Variants in CSMD2 observed in about 807,000 individuals in gnomAD.
CSMD2 encodes the protein CUB and Sushi multiple domains 2, also known as CUB and sushi domain-containing protein 2.
CSMD2 carries 130 observed loss-of-function variants against 398.5 expected under a neutral mutation model. The observed-to-expected ratio is 0.33, with a 90% CI of 0.28 to 0.38. The LOEUF is 0.38. Among genes scored for constraint, CSMD2 ranks in the 10% least tolerant of loss-of-function variants. CSMD2 has a pLI of 1.00. For synonymous variants in CSMD2, 1,828 were observed against 1,908.5 expected (o/e 0.96, Z 1.10); for missense variants, 3,829 against 4,764.9 (o/e 0.80, Z 5.78).
In CSMD2 at chr1:33,577,683, G is replaced by GA. The variant is rs1553145982; in HGVS notation, c.7388-200dup. On this transcript the variant is annotated intron_variant, in intron 48 of 70. Transcript: ENST00000373381. ...TTGGTAAAGCCGAAACAAAACAACG[G>GA]AAACAAAACAAAACAAAACAAAAAA... 3.3e-3 allele frequency among the ~76,000 whole-genome samples: 504 copies of GA among 151,820 alleles called. 7 individuals are homozygous for GA. Among genetic ancestry groups the GA allele is most frequent in the African/African-American group, 0.012 (481 of 41,302 alleles).
At chr1:33,871,836 C>T (rs534066565) in intron 5 of CSMD2, among the ~76,000 whole-genome samples, 6 of 152,082 alleles carry the variant, frequency 3.9e-5, no homozygotes, top group Admixed American at 1.3e-4. Flanking sequence ...AGGCTGGGCT[C>T]GAACTCCTGA....
At chr1:33,747,460 G>A (rs1647541742) in intron 13 of CSMD2, among the ~76,000 whole-genome samples, 1 of 152,136 alleles carries the variant, frequency 6.6e-6, no homozygotes. Flanking sequence ...GTTGGAGCAT[G>A]CTTTTAAAGA....
At chr1:33,645,703 A>T (rs2148946588) in intron 29 of CSMD2, among the ~76,000 whole-genome samples, 1 of 152,348 alleles carries the variant, frequency 6.6e-6, no homozygotes, top group East Asian at 1.9e-4. Flanking sequence ...AAGGACTTTC[A>T]TGTGTGGACT....
Position 33,537,445 on chromosome 1 carries a change from T to C in CSMD2, c.9796A>G (p.Ser3266Gly), listed in dbSNP as rs772828640. Reference sequence around the variant, plus strand: ...CCAGATGACCTCTCACCTATGCAGCTGGGCTGGGTGCCACTCCATGTCCCA... The same window carrying C: ...CCAGATGACCTCTCACCTATGCAGCCGGGCTGGGTGCCACTCCATGTCCCA... ...SDGTWSGTQP[S>G]CIDPTLTTCA... The change falls in exon 61 of 71, where the codon AGC becomes GGC. Residue 3266 changes from serine (S) to glycine (G), a missense_variant. By Grantham distance (56) the Ser-to-Gly change is moderately conservative (BLOSUM62 0). Coordinates refer to ENST00000373381, the MANE Select transcript of CSMD2 (RefSeq NM_001281956.2). This position sits in a 1 kb window ranked among gnomAD's most constrained non-coding sequence, Gnocchi z 4.6. 9.9e-6 allele frequency: 16 copies of C among 1,612,488 alleles called. No individual in the cohort carries two copies. Among genetic ancestry groups the C allele is most frequent in the Non-Finnish European group, 1.4e-5 (16 of 1,179,184 alleles).
Position 33,700,690 on chromosome 1 carries a change from C to A in CSMD2, c.3577-17G>T, listed in dbSNP as rs1478522552. On this transcript the variant is annotated splice_polypyrimidine_tract_variant and intron_variant, in intron 22 of 70. Transcript: ENST00000373381. Reference sequence around the variant, plus strand: ...ATCATAAACCTGGACACAGGAGAGACCCCCAACCCAATGTCGTCAGCATGG... The same window carrying A: ...ATCATAAACCTGGACACAGGAGAGAACCCCAACCCAATGTCGTCAGCATGG... 3 of 1,613,694 alleles carry A rather than the reference C, an allele frequency of 1.9e-6. No individual in the cohort carries two copies. Among genetic ancestry groups the A allele is most frequent in the African/African-American group, 2.7e-5 (2 of 74,916 alleles).
chr1:33,857,340 TTA>T (rs1383921270), intron 5 of CSMD2, among the ~76,000 whole-genome samples: 4 of 152,186 alleles, frequency 2.6e-5, no homozygotes, highest in Non-Finnish European at 5.9e-5. Context: ...GATTAATGCC[TTA>T]TACTTTGGCT....
At chr1:34,082,388 G>T (rs564435067) in intron 2 of CSMD2, among the ~76,000 whole-genome samples, 9 of 151,000 alleles carry the variant, frequency 6.0e-5, no homozygotes, top group Non-Finnish European at 1.0e-4. Context: ...GGGCGACCCC[G>T]CCCAGCAGCC....
chr1:33,727,462 C>T (rs1029828075), intron 15 of CSMD2, among the ~76,000 whole-genome samples: 1 of 152,224 alleles, frequency 6.6e-6, no homozygotes, highest in Non-Finnish European at 1.5e-5. Flanking sequence ...CTAAGGTAGT[C>T]ATTAGAGCTA....
chr1:34,122,303 C>T (rs989758621), intron 1 of CSMD2, among the ~76,000 whole-genome samples: 2 of 152,188 alleles, frequency 1.3e-5, no homozygotes, highest in East Asian at 3.9e-4. Flanking sequence ...GAAGGGAGAC[C>T]CACAGCTGAG....
rs141428702 is a variant in CSMD2, at chr1:33,772,243, C to T, written c.1846+326G>A. ...TAGATGGTGTCAGGGGTGGCAATGA[C>T]GGTGAGCAGGAAATGTCTGGGTCTG... On this transcript the variant is annotated intron_variant, in intron 13 of 70. Transcript: ENST00000373381. The T allele has an allele frequency of 2.7e-5, 6 of 220,342 alleles. No homozygotes were observed. In the South Asian group the frequency reaches 5.1e-4, roughly 19 times the overall value. The allele number at this position is 220,342 out of a possible 1,614,324, so 13.6% of individuals were successfully genotyped here. A position where few individuals can be genotyped will look rare whatever the true frequency, so the allele number is the denominator to read the frequency against.
At chr1:33,705,535 A>G (rs1645745714) in intron 22 of CSMD2, among the ~76,000 whole-genome samples, 1 of 152,076 alleles carries the variant, frequency 6.6e-6, no homozygotes, top group South Asian at 2.1e-4. Context: ...TATTGCAGGG[A>G]TTAATTGCTT....
intron 5 of CSMD2, among the ~76,000 whole-genome samples, chr1:33,883,296 C>T (rs1641362014): frequency 6.6e-6 from 1 of 152,180 alleles, no homozygotes; most frequent in Admixed American, 6.5e-5. Flanking sequence ...AATCTGCCAG[C>T]AACCAGCTGT....
chr1:33,630,240 TTATC>T (rs1642387222), intron 32 of CSMD2, among the ~76,000 whole-genome samples: 2 of 152,200 alleles, frequency 1.3e-5, no homozygotes, highest in Admixed American at 6.5e-5. Flanking sequence ...TAGCTATACA[TTATC>T]TATCTATCTG....
intron 2 of CSMD2, among the ~76,000 whole-genome samples, chr1:34,070,196 G>A (rs1262086614): frequency 1.3e-5 from 2 of 152,238 alleles, no homozygotes; most frequent in East Asian, 3.8e-4. Context: ...TGGAGGAAGA[G>A]TGCAGTGGAG....
At chr1:33,710,429 G>A (rs1645946226) in intron 21 of CSMD2, among the ~76,000 whole-genome samples, 1 of 152,010 alleles carries the variant, frequency 6.6e-6, no homozygotes, top group African/African-American at 2.4e-5. Context: ...ATGAATGAAT[G>A]GATATGGAGT....
chr1:33,567,234 T>C (rs949559822), intron 53 of CSMD2, among the ~76,000 whole-genome samples: 2 of 151,730 alleles, frequency 1.3e-5, no homozygotes, highest in African/African-American at 2.4e-5. Flanking sequence ...TAGGATACAA[T>C]TAAAGCAGTG....
chr1:33,624,743 C>T lies in CSMD2; in HGVS notation c.5501-100G>A. ...TGGCCCCCAGCCTCTGTTTGTCCTCCTCCCCATGGGGGTGTCTCCCTAATG... is the reference window on the plus strand; with the variant it reads ...TGGCCCCCAGCCTCTGTTTGTCCTCTTCCCCATGGGGGTGTCTCCCTAATG... On this transcript the variant is annotated intron_variant, in intron 34 of 70. Transcript: ENST00000373381. The surrounding 1 kb of genome is among the most constrained non-coding windows in gnomAD (Gnocchi z 4.7). The T allele has an allele frequency of 6.8e-7, 1 of 1,469,926 alleles. No homozygotes were observed. 91.1% of individuals were successfully genotyped at this position (1,469,926 alleles called of 1,614,324 possible).
intron 6 of CSMD2, among the ~76,000 whole-genome samples, chr1:33,835,713 T>C (rs1455521299): frequency 2.0e-5 from 1 of 48,878 alleles, no homozygotes; most frequent in East Asian, 1.2e-3. Flanking sequence ...AAAATACATT[T>C]CAAAAAAAAA....
chr1:33,863,310 C>T (rs1453030970), intron 5 of CSMD2: 1 of 152,136 alleles, frequency 6.6e-6, no homozygotes, highest in Non-Finnish European at 1.5e-5. Flanking sequence ...AGAAGCCGGC[C>T]AGTTTGAGTG....
Sources: gnomAD v4.1 joint callset for allele counts (sites outside exome capture counted in the v4.1 genomes callset) on GRCh38, gnomAD v4.1.1 for gene constraint, Gnocchi (gnomAD v3.1) non-coding constraint, MANE v1.5 for transcripts, NCBI Gene and HGNC (gene_info 2026-07-23, HGNC 2026-07-21) for gene names.